PTOV1: variants seen among roughly 807,000 people sequenced by gnomAD.
PTOV1 encodes prostate tumor-overexpressed gene 1 protein.
PTOV1 carries 20 observed loss-of-function variants against 58.0 expected under a neutral mutation model. The observed-to-expected ratio is 0.34, with a 90% CI of 0.24 to 0.50. PTOV1 has a LOEUF of 0.50. Ranked by LOEUF, PTOV1 falls within the 20% of genes least tolerant of loss-of-function variation. PTOV1 has a pLI of 0.98. For missense variants in PTOV1, 593 were observed against 565.4 expected (o/e 1.05, Z -0.50); for synonymous variants, 335 against 234.2 (o/e 1.43, Z -3.93).
intron 1 of PTOV1, chr19:49,851,835 C>A: frequency 1.0e-6 from 1 of 995,486 alleles, no homozygotes; most frequent in Non-Finnish European, 1.2e-6. Flanking sequence ...GAGAGTTGCT[C>A]GCTCTCCGGG....
At chr19:49,851,801 CA>C in intron 1 of PTOV1, 1 of 1,030,896 alleles carries the variant, frequency 9.7e-7, no homozygotes, top group South Asian at 4.6e-5. Flanking sequence ...AGGCAGCCGG[CA>C]CGCTCGCTTG....
exon 1 of PTOV1, chr19:49,851,399 C>T: frequency 1.7e-6 from 2 of 1,187,442 alleles, no homozygotes; most frequent in Admixed American, 4.5e-5. Context: ...GGCCGCCCTC[C>T]GCGGCCCCTC....
At chr19:49,858,640 T>C in exon 10 of PTOV1, 1 of 1,599,808 alleles carries the variant, frequency 6.3e-7, no homozygotes, top group African/African-American at 1.3e-5. Flanking sequence ...TGCCGGATCA[T>C]GGACAATGGC....
chr19:49,856,814 G>A (rs541830157), intron 5 of PTOV1, 161 bp from the exon 6 acceptor site: 11 of 817,324 alleles, frequency 1.3e-5, no homozygotes, highest in Admixed American at 8.7e-5. Flanking sequence ...GGCGCTGCAC[G>A]GGCTCTCAGA....
At chr19:49,850,814 T>C, upstream of PTOV1, 2 of 1,523,314 alleles carry the variant, frequency 1.3e-6, no homozygotes, top group Admixed American at 4.0e-5. Flanking sequence ...GGCCCATTAT[T>C]CCGTCCTCCC....
At chr19:49,859,646 C>T (rs1004001664) in intron 10 of PTOV1, among the ~76,000 whole-genome samples, 2 of 152,166 alleles carry the variant, frequency 1.3e-5, no homozygotes, top group African/African-American at 2.4e-5. Flanking sequence ...TGTGCTGGGC[C>T]GGCCGCTGCA....
At chr19:49,858,757 G>A in intron 10 of PTOV1, 104 bp downstream of exon 10, 4 of 984,502 alleles carry the variant, frequency 4.1e-6, no homozygotes, top group Non-Finnish European at 4.6e-6. Context: ...CCATGTCCCA[G>A]ACCAGCTGGG....
At chr19:49,851,208 G>C (rs2074228995) in exon 1 of PTOV1, 7 of 1,198,136 alleles carry the variant, frequency 5.8e-6, no homozygotes, top group Non-Finnish European at 7.2e-6. Flanking sequence ...CCCCGAGCTT[G>C]GTACGGCTCA....
chr19:49,855,211 C>A, intron 5 of PTOV1, 134 bp downstream of exon 5: 1 of 823,154 alleles, frequency 1.2e-6, no homozygotes, highest in Non-Finnish European at 2.0e-6. Context: ...CTCTCGGACC[C>A]CATCTGGAAA....
At chr19:49,854,810 C>G (rs1035180089) in intron 3 of PTOV1, 21 bp from the exon 4 acceptor site, 115 of 1,613,264 alleles carry the variant, frequency 7.1e-5, no homozygotes, top group Non-Finnish European at 9.4e-5. Flanking sequence ...GCAGCCCTTT[C>G]TGACCAGCTC....
In PTOV1 at chr19:49,851,266, G is replaced by A; in HGVS notation, c.-63G>A. On this transcript the variant is annotated 5_prime_UTR_variant, in exon 1 of 12. It adds an upstream start codon to the 5' untranslated region. Transcript: ENST00000391842. ...CGCCCGCGCCCGCGCCCCTCAGTCG[G>A]TGGAGCCCGCAGCCCCCCTTGTGGC... 9.1e-7 allele frequency: 1 copy of A among 1,098,530 alleles called. No individual in the cohort carries two copies. The highest frequency in any genetic ancestry group is 1.1e-6 in the Non-Finnish European group (1 of 904,634). 68.0% of individuals were successfully genotyped at this position (1,098,530 alleles called of 1,614,324 possible).
chr19:49,858,034 C>A (rs759954073), intron 8 of PTOV1, 23 bp from the exon 9 acceptor site: 3 of 1,613,860 alleles, frequency 1.9e-6, no homozygotes, highest in Non-Finnish European at 2.5e-6. Context: ...GCTTCCTGAC[C>A]CTCGTCCCTT....
rs933283906 is a variant in PTOV1 at position 49,859,017 on chromosome 19, G to A, written c.1041+364G>A. 3.9e-4 allele frequency: 74 copies of A among 191,190 alleles called. 2 individuals are homozygous for A. The highest frequency in any genetic ancestry group is 2.3e-3 in the Admixed American group (40 of 17,392). 11.8% of individuals were successfully genotyped at this position (191,190 alleles called of 1,614,324 possible). On this transcript the variant is annotated intron_variant, in intron 10 of 11. Coordinates refer to ENST00000391842, the Ensembl canonical transcript of PTOV1. ...GGGAGGGCTGTCTGCCCCCAGCAAG[G>A]TCCCAGAATATTTGGCGATTGTCTT...
intron 1 of PTOV1, 61 bp from the exon 2 acceptor site, chr19:49,854,345 G>C: frequency 1.9e-6 from 3 of 1,564,136 alleles, no homozygotes; most frequent in Non-Finnish European, 2.6e-6. Flanking sequence ...GGTGTGTGGG[G>C]ACTGCCTGTC....
intron 1 of PTOV1, chr19:49,852,487 T>C (rs772963766): frequency 6.6e-6 from 1 of 152,232 alleles, no homozygotes; most frequent in East Asian, 1.9e-4. Context: ...TGGGCTTCCC[T>C]GTGCAATAGG....
At chr19:49,857,450 A>C (rs2074524384) in intron 6 of PTOV1, 3 of 608,592 alleles carry the variant, frequency 4.9e-6, no homozygotes, top group South Asian at 2.0e-5. Context: ...ATGCCTTGCC[A>C]GTTGAGGCAG....
rs575897153 is a variant in PTOV1 at position 49,858,339 on chromosome 19, A to G, written c.937-210A>G. 10 of 694,052 alleles carry G rather than the reference A, an allele frequency of 1.4e-5. No individual in the cohort carries two copies. The East Asian group carries it at 2.7e-4, about 19-fold the overall frequency. The allele number at this position is 694,052 out of a possible 1,614,324, so 43.0% of individuals were successfully genotyped here. A position where few individuals can be genotyped will look rare whatever the true frequency, so the allele number is the denominator to read the frequency against. ...ACTGAGCGGGGCAGGGGCAGCCACG[A>G]CCTGCACCTGGGGGGCTGCCAAGGG... On this transcript the variant is annotated intron_variant, in intron 9 of 11. Transcript: ENST00000391842.
chr19:49,854,753 C>T lies in PTOV1; in HGVS notation c.392+19C>T, dbSNP rs1172810706. Reference sequence around the variant, plus strand: ...AGAACCTGTGAGTGCCGGGGCGTGGCAGCCAGGGCGGTGGCAGGGGCAGTG... The same window carrying T: ...AGAACCTGTGAGTGCCGGGGCGTGGTAGCCAGGGCGGTGGCAGGGGCAGTG... On this transcript the variant is annotated intron_variant, in intron 3 of 11. Transcript: ENST00000391842. 6.2e-7 allele frequency: 1 copy of T among 1,613,260 alleles called. No homozygotes were observed. The highest frequency in any genetic ancestry group is 8.5e-7 in the Non-Finnish European group (1 of 1,179,896).
intron 5 of PTOV1, 84 bp downstream of exon 5, chr19:49,855,161 T>C (rs1037443110): frequency 7.4e-7 from 1 of 1,353,050 alleles, no homozygotes; most frequent in Non-Finnish European, 1.0e-6. Context: ...CAGGCGGGGG[T>C]CGGGGGGTCT....
Sources: gnomAD v4.1 joint callset for allele counts (sites outside exome capture counted in the v4.1 genomes callset) on GRCh38, gnomAD v4.1.1 for gene constraint, MANE v1.5 for transcripts, NCBI Gene and HGNC (gene_info 2026-07-23, HGNC 2026-07-21) for gene names.